Variants in SLC7A1 observed in about 807,000 individuals in gnomAD.
SLC7A1 encodes the protein high affinity cationic amino acid transporter 1.
SLC7A1 carries 10 observed loss-of-function variants against 53.9 expected under a neutral mutation model. The ratio of observed to expected loss-of-function variants is 0.19; its 90% CI spans 0.11 to 0.31. SLC7A1 has a LOEUF of 0.31. SLC7A1 is among the 10% of genes least tolerant of loss of function. The pLI is 1.00. For missense variants in SLC7A1, 525 were observed against 827.2 expected, an observed-to-expected ratio of 0.63 and a Z score of 4.48; for synonymous variants, 342 against 338.7, an observed-to-expected ratio of 1.01 and a Z score of -0.11.
intron 12 of SLC7A1, 77 bp from the exon 13 acceptor site, chr13:29,514,660 G>A (rs1389938060): frequency 1.4e-5 from 16 of 1,124,614 alleles, no homozygotes; most frequent in African/African-American, 6.2e-5. Context: ...AGCCCAGGGC[G>A]GTCCCACAGC....
intron 1 of SLC7A1, among the ~76,000 whole-genome samples, chr13:29,573,899 G>A (rs372782255): frequency 7.2e-5 from 11 of 152,212 alleles, no homozygotes; most frequent in South Asian, 4.1e-4. Flanking sequence ...CTTTCTAGCC[G>A]CAGACCATGA....
chr13:29,565,903 C>A (rs757186077), intron 1 of SLC7A1, among the ~76,000 whole-genome samples: 1 of 152,214 alleles, frequency 6.6e-6, no homozygotes, highest in African/African-American at 2.4e-5. Flanking sequence ...AGGGATCCTG[C>A]GGTTCTGGGC....
intron 1 of SLC7A1, among the ~76,000 whole-genome samples, chr13:29,583,452 T>C (rs1247220945): frequency 6.6e-6 from 1 of 152,238 alleles, no homozygotes; most frequent in East Asian, 1.9e-4. Context: ...TGCTGGGACC[T>C]CTGTGGGTCA....
intron 5 of SLC7A1, among the ~76,000 whole-genome samples, chr13:29,525,875 A>G (rs1868864754): frequency 6.6e-6 from 1 of 152,246 alleles, no homozygotes; most frequent in Non-Finnish European, 1.5e-5. Context: ...GCCGCAGGAC[A>G]GCAAAGGGCT....
At chr13:29,560,918 G>A (rs186752411) in intron 1 of SLC7A1, among the ~76,000 whole-genome samples, 1 of 152,158 alleles carries the variant, frequency 6.6e-6, no homozygotes, top group East Asian at 1.9e-4. Context: ...AAGGAGTCAG[G>A]TCTTTCCACT....
chr13:29,546,521 T>C (rs1869930124), intron 2 of SLC7A1, among the ~76,000 whole-genome samples: 1 of 152,186 alleles, frequency 6.6e-6, no homozygotes, highest in African/African-American at 2.4e-5. Flanking sequence ...GAGGGTTCCA[T>C]GCCAACCTAA....
At chr13:29,516,523 C>A (rs924432283) in intron 11 of SLC7A1, among the ~76,000 whole-genome samples, 1 of 152,180 alleles carries the variant, frequency 6.6e-6, no homozygotes, top group Admixed American at 6.5e-5. Context: ...TTCTCTGTTG[C>A]GATTCTCCTG....
At chr13:29,575,778 A>C (rs280923) in intron 1 of SLC7A1, among the ~76,000 whole-genome samples, 111,431 of 152,054 alleles carry the variant, frequency 0.73, 42,314 homozygotes, top group Non-Finnish European at 0.85. Flanking sequence ...AAGTTGGCTC[A>C]AAGAAAGAGA....
At chr13:29,524,446 G>A (rs1466028475) in intron 5 of SLC7A1, among the ~76,000 whole-genome samples, 193 bp from the exon 6 acceptor site, 2 of 152,186 alleles carry the variant, frequency 1.3e-5, no homozygotes, top group Admixed American at 6.5e-5. Flanking sequence ...CCTGCTGTTC[G>A]TGGCCCAGGG....
At chr13:29,522,203 G>T in intron 8 of SLC7A1, 114 bp downstream of exon 8, 1 of 1,085,974 alleles carries the variant, frequency 9.2e-7, no homozygotes, top group Non-Finnish European at 1.4e-6. Context: ...AAAACCAGGA[G>T]TTAAAAAGAC....
intron 1 of SLC7A1, among the ~76,000 whole-genome samples, chr13:29,570,622 C>A (rs1259860887): frequency 3.3e-5 from 5 of 152,204 alleles, no homozygotes; most frequent in Admixed American, 2.6e-4. Context: ...CCAAGTCAGG[C>A]GGATGGATGG....
chr13:29,587,339 G>A (rs1871924133), intron 1 of SLC7A1, among the ~76,000 whole-genome samples: 1 of 152,184 alleles, frequency 6.6e-6, no homozygotes, highest in Non-Finnish European at 1.5e-5. Flanking sequence ...GGACAAAGCA[G>A]GGAAGCGAGA....
chr13:29,550,089 A>G (rs1870105499), intron 2 of SLC7A1, among the ~76,000 whole-genome samples: 1 of 152,232 alleles, frequency 6.6e-6, no homozygotes, highest in African/African-American at 2.4e-5. Flanking sequence ...TTGCCTGCTA[A>G]AAGTTCACTG....
intron 1 of SLC7A1, among the ~76,000 whole-genome samples, chr13:29,590,243 C>A (rs1675623749): frequency 6.6e-6 from 1 of 152,210 alleles, no homozygotes; most frequent in Admixed American, 6.5e-5. Flanking sequence ...AGGTGGGAAA[C>A]ACGGCCCAGA....
intron 1 of SLC7A1, among the ~76,000 whole-genome samples, chr13:29,580,302 G>A (rs1871586271): frequency 1.3e-5 from 2 of 152,172 alleles, no homozygotes; most frequent in Non-Finnish European, 2.9e-5. Flanking sequence ...CCAGGCAGGA[G>A]GGGACATGTC....
chr13:29,573,559 C>A (rs1439069128), intron 1 of SLC7A1, among the ~76,000 whole-genome samples: 2 of 152,118 alleles, frequency 1.3e-5, no homozygotes, highest in African/African-American at 4.8e-5. Context: ...CAAAGTGCAC[C>A]AGGAGCCACA....
chr13:29,538,727 G>T (rs1048811134), intron 2 of SLC7A1, among the ~76,000 whole-genome samples: 1 of 152,246 alleles, frequency 6.6e-6, no homozygotes, highest in Admixed American at 6.5e-5. Flanking sequence ...AAACAATTGC[G>T]TGGATAGTAA....
chr13:29,587,034 A>G (rs1240967830), intron 1 of SLC7A1, among the ~76,000 whole-genome samples: 1 of 152,244 alleles, frequency 6.6e-6, no homozygotes, highest in East Asian at 1.9e-4. Flanking sequence ...AGTCACTCTC[A>G]AGGCCAGCTC....
chr13:29,544,446 A>C (rs1334051878), intron 2 of SLC7A1, among the ~76,000 whole-genome samples: 1 of 152,228 alleles, frequency 6.6e-6, no homozygotes, highest in African/African-American at 2.4e-5. Context: ...CAGCCAAATG[A>C]AAGTCCTTTA....
Sources: gnomAD v4.1 joint callset for allele counts (sites outside exome capture counted in the v4.1 genomes callset) on GRCh38, gnomAD v4.1.1 for gene constraint, MANE v1.5 for transcripts, NCBI Gene and HGNC (gene_info 2026-07-23, HGNC 2026-07-21) for gene names.